The following CCDC39 variants were observed in gnomAD, a reference collection of about 807,000 sequenced individuals.
The protein encoded by CCDC39 is coiled-coil domain-containing protein 39.
CCDC39 carries 113 observed loss-of-function variants against 121.0 expected under a neutral mutation model. The observed-to-expected ratio is 0.93, with a 90% CI of 0.80 to 1.09. CCDC39 has a LOEUF of 1.09. Ranked by LOEUF, CCDC39 falls within the 50% of genes least tolerant of loss-of-function variation. The pLI, the probability that CCDC39 is intolerant of heterozygous loss-of-function variation, is 0.00. For synonymous variants in CCDC39, 349 were observed against 352.2 expected (o/e 0.99, Z 0.10); for missense variants, 1,063 against 1,074.7 (o/e 0.99, Z 0.15).
chr3:180,655,031 C>A (rs938093452), intron 6 of CCDC39, 78 bp from the exon 7 acceptor site: 31 of 964,872 alleles, frequency 3.2e-5, no homozygotes, highest in Non-Finnish European at 4.4e-5. Flanking sequence ...TTCTATTTTT[C>A]TATTATTACA....
intron 13 of CCDC39, among the ~76,000 whole-genome samples, chr3:180,639,975 CTA>C (rs1717917332): frequency 6.6e-6 from 1 of 152,036 alleles, no homozygotes; most frequent in African/African-American, 2.4e-5. Context: ...GGCAGACCTA[CTA>C]TTGGATTCCA....
At chr3:180,638,614 G>A (rs370847667) in intron 13 of CCDC39, among the ~76,000 whole-genome samples, 13 of 151,956 alleles carry the variant, frequency 8.6e-5, no homozygotes, top group African/African-American at 3.1e-4. Context: ...AATAGCAAGA[G>A]ACTATAATCA....
intron 1 of CCDC39, among the ~76,000 whole-genome samples, chr3:180,677,167 TTTATATATATATATATATA>T (rs1712246928): frequency 2.8e-5 from 2 of 72,248 alleles, no homozygotes; most frequent in African/African-American, 1.5e-4. Context: ...TAATAATAAT[TTTATATATATATATATATA>T]TATATATATA....
rs1712320776 is a variant in CCDC39 at position 180,679,172 on chromosome 3, T to C, written c.90+119A>G. On this transcript the variant is annotated intron_variant, in intron 1 of 19. Transcript: ENST00000476379. This position sits in a 1 kb window ranked among gnomAD's most constrained non-coding sequence, Gnocchi z 4.0. ...GGAGGGCGATGGTGCGGGGGAGTGT[T>C]AGAGGAAGCACAGGATTAGGAAAGG... 2.5e-6 allele frequency: 2 copies of C among 791,726 alleles called. No individual in the cohort carries two copies. Among genetic ancestry groups the C allele is most frequent in the Admixed American group, 1.8e-5 (1 of 56,410 alleles). The allele number at this position is 791,726 out of a possible 1,614,324, so 49.0% of individuals were successfully genotyped here. A position where few individuals can be genotyped will look rare whatever the true frequency, so the allele number is the denominator to read the frequency against.
chr3:180,644,254 C>A lies in CCDC39; in HGVS notation c.1531G>T (p.Asp511Tyr). The change falls in exon 12 of 20, where the codon GAT (aspartate) becomes TAT (tyrosine). Residue 511 changes from aspartate to tyrosine, a missense_variant. Asp to Tyr is a radical substitution (Grantham distance 160). Coordinates refer to ENST00000476379, the MANE Select transcript of CCDC39 (RefSeq NM_181426.2). ...TGTGCCTTCTTGATAAAATAAAGATCATTCTGCAAAAAAGAAAAAAGGTAT... is the reference window on the plus strand; with the variant it reads ...TGTGCCTTCTTGATAAAATAAAGATAATTCTGCAAAAAAGAAAAAAGGTAT... Reference protein sequence around the residue: ...LETQIKKLHNDLYFIKKAHSK... With the variant: ...LETQIKKLHNYLYFIKKAHSK... 1 of 1,508,964 alleles carries A rather than the reference C, an allele frequency of 6.6e-7. No individual in the cohort carries two copies. Among genetic ancestry groups the A allele is most frequent in the Non-Finnish European group, 8.9e-7 (1 of 1,129,238 alleles). 93.5% of individuals were successfully genotyped at this position (1,508,964 alleles called of 1,614,324 possible). A position where few individuals can be genotyped will look rare whatever the true frequency, so the allele number is the denominator to read the frequency against.
chr3:180,614,252 G>A lies in CCDC39; in HGVS notation c.*669C>T, dbSNP rs1321687712. 6.4e-6 allele frequency: 1 copy of A among 157,480 alleles called. No homozygotes were observed. The highest frequency in any genetic ancestry group is 1.4e-5 in the Non-Finnish European group (1 of 71,338). The allele number at this position is 157,480 out of a possible 1,614,324, so 9.8% of individuals were successfully genotyped here. Reference sequence around the variant, plus strand: ...TATACTTGGTTGGCTGTATCTGAAAGCAAATCTTTAATGCGTTTATTTCAA... The same window carrying A: ...TATACTTGGTTGGCTGTATCTGAAAACAAATCTTTAATGCGTTTATTTCAA... On this transcript the variant is annotated 3_prime_UTR_variant, in exon 20 of 20. Coordinates refer to ENST00000476379, the MANE Select transcript of CCDC39 (RefSeq NM_181426.2).
intron 13 of CCDC39, among the ~76,000 whole-genome samples, chr3:180,641,195 G>A (rs1717945030): frequency 6.6e-6 from 1 of 151,950 alleles, no homozygotes; most frequent in African/African-American, 2.4e-5. Context: ...TGCTGAGAAA[G>A]CATATAATAA....
At chr3:180,622,240 T>C (rs1717448149) in intron 14 of CCDC39, among the ~76,000 whole-genome samples, 1 of 152,192 alleles carries the variant, frequency 6.6e-6, no homozygotes, top group African/African-American at 2.4e-5. Flanking sequence ...TTAGAAATGC[T>C]ATGGATTTTT....
rs1711546306 is a variant in CCDC39 at position 180,654,917 on chromosome 3, C to G, written c.775G>C (p.Glu259Gln). The G allele has an allele frequency of 6.3e-7, 1 of 1,583,680 alleles. No homozygotes were observed. Among genetic ancestry groups the G allele is most frequent in the Admixed American group, 1.8e-5 (1 of 54,408 alleles). ...TTGATCTTTTCTTTAACCAAATTTT[C>G]TTTTTCTCTCGTTTCCTGCTTTATC... ...ARIKQETREK[E>Q]NLVKEKIKFL... The change falls in exon 7 of 20, where the codon GAA (glutamate) becomes CAA (glutamine). Residue 259 changes from glutamate (E) to glutamine (Q), a missense_variant. Physicochemically the swap from Glu to Gln is conservative, Grantham distance 29. Transcript: ENST00000476379.
intron 14 of CCDC39, among the ~76,000 whole-genome samples, chr3:180,621,490 A>G (rs1046488107): frequency 6.6e-6 from 1 of 152,062 alleles, no homozygotes; most frequent in African/African-American, 2.4e-5. Context: ...TCTAATGATT[A>G]ATGATGATGA....
At chr3:180,651,056 G>A (rs750093304) in intron 9 of CCDC39, among the ~76,000 whole-genome samples, 9 of 151,682 alleles carry the variant, frequency 5.9e-5, no homozygotes, top group South Asian at 4.2e-4. Flanking sequence ...TTAGCCAGGC[G>A]TGGTTGCAGG....
chr3:180,620,351 G>A (rs1240875357), intron 14 of CCDC39, among the ~76,000 whole-genome samples: 2 of 151,684 alleles, frequency 1.3e-5, no homozygotes. Flanking sequence ...AGAGGTTCAG[G>A]AACACTTTAT....
At position 180,616,383 on chromosome 3, in the gene CCDC39, C is replaced by T. The variant is rs747687492; in HGVS notation, c.2587-20G>A. The stretch of plus-strand genomic sequence containing the variant: ...CCCACTCTGGAGGAATATTCAATAG[C>T]AATCATTAGTACTACCTACTGTTTT... On this transcript the variant is annotated intron_variant, in intron 18 of 19. Coordinates refer to ENST00000476379, the MANE Select transcript of CCDC39 (RefSeq NM_181426.2). 8.8e-6 allele frequency: 14 copies of T among 1,596,452 alleles called. No homozygotes were observed. Among genetic ancestry groups the T allele is most frequent in the Admixed American group, 6.8e-5 (4 of 59,110 alleles).
At position 180,660,694 on chromosome 3, in the gene CCDC39, C is replaced by T. The variant is rs1164517296; in HGVS notation, c.392G>A (p.Gly131Asp). 3 of 1,602,904 alleles carry T rather than the reference C, an allele frequency of 1.9e-6. No homozygotes were observed. In the East Asian group the frequency reaches 6.7e-5, roughly 36 times the overall value. Residue 131 changes from glycine (G) to aspartate (D), a missense_variant, in exon 4 of 20, where the codon GGT becomes GAT. Transcript: ENST00000476379. ...GIFKATQKLDGLKCQMNWDQQ... is the reference protein window; with the variant it reads ...GIFKATQKLDDLKCQMNWDQQ... ...GTCCCAGTTCATTTGACATTTCAAA[C>T]CATCCAATTTTTGAGTGGCTTTAAA...
chr3:180,644,205 T>G lies in CCDC39; in HGVS notation c.1580A>C (p.Gln527Pro). Reference protein sequence around the residue: ...KAHSKNSDEKQSLMTKINELN... With the variant: ...KAHSKNSDEKPSLMTKINELN... ...TTCATTTATTTTGGTCATAAGGGAC[T>G]GTTTTTCATCACTGTTTTTACTATG... Residue 527 changes from glutamine to proline, a missense_variant, in exon 12 of 20, where the codon CAG becomes CCG. Physicochemically the swap from Gln to Pro is moderately conservative, Grantham distance 76. Coordinates refer to ENST00000476379, the MANE Select transcript of CCDC39 (RefSeq NM_181426.2). 1.3e-6 allele frequency: 2 copies of G among 1,543,566 alleles called. No individual in the cohort carries two copies. The highest frequency in any genetic ancestry group is 1.7e-6 in the Non-Finnish European group (2 of 1,142,884).
At chr3:180,631,370 G>T in intron 14 of CCDC39, 99 bp downstream of exon 14, 1 of 1,116,476 alleles carries the variant, frequency 9.0e-7, no homozygotes, top group Non-Finnish European at 1.3e-6. Context: ...AGGGAAAGTT[G>T]CAATATTGTT....
intron 1 of CCDC39, among the ~76,000 whole-genome samples, chr3:180,677,977 T>A (rs1328650172): frequency 6.6e-6 from 1 of 152,180 alleles, no homozygotes; most frequent in Non-Finnish European, 1.5e-5. Context: ...GGCTCTATAC[T>A]TTTTTAAAAG....
intron 1 of CCDC39, among the ~76,000 whole-genome samples, chr3:180,678,979 G>A (rs928347183): frequency 4.6e-5 from 7 of 152,138 alleles, no homozygotes; most frequent in Non-Finnish European, 8.8e-5. Context: ...AAAAGCGGGC[G>A]CCGGAACCAG....
At chr3:180,675,707 A>T (rs1263643877) in intron 1 of CCDC39, among the ~76,000 whole-genome samples, 1 of 152,172 alleles carries the variant, frequency 6.6e-6, no homozygotes, top group South Asian at 2.1e-4. Flanking sequence ...AGCCAAAAAA[A>T]CAAAGCTGGA....
Sources: allele counts gnomAD v4.1 joint callset (sites outside exome capture counted in the v4.1 genomes callset), GRCh38; gene constraint gnomAD v4.1.1; non-coding constraint Gnocchi (gnomAD v3.1); transcripts MANE v1.5; gene names NCBI Gene and HGNC (gene_info 2026-07-23, HGNC 2026-07-21).